RNF40: variants seen among roughly 807,000 people sequenced by gnomAD.
RNF40 encodes ring finger protein 40.
RNF40 carries 39 observed loss-of-function variants against 123.3 expected under a neutral mutation model. The observed-to-expected ratio is 0.32, with a 90% CI of 0.24 to 0.41. RNF40 has a LOEUF of 0.41. Among genes scored for constraint, RNF40 ranks in the 10% least tolerant of loss-of-function variants. The pLI, the probability that RNF40 is intolerant of heterozygous loss-of-function variation, is 1.00. For missense variants in RNF40, 1,003 were observed against 1,319.9 expected (o/e 0.76, Z 3.72); for synonymous variants, 538 against 526.0 (o/e 1.02, Z -0.31).
chr16:30,773,045 C>T (rs778030381), intron 19 of RNF40, among the ~76,000 whole-genome samples: 1 of 152,070 alleles, frequency 6.6e-6, no homozygotes. Context: ...GTTAGGAGGC[C>T]TGCGGGGGAG....
Position 30,768,894 on chromosome 16 carries a change from C to G in RNF40, c.2154C>G (p.Ser718Arg). 1 of 1,614,210 alleles carries G rather than the reference C, an allele frequency of 6.2e-7. No individual in the cohort carries two copies. Among genetic ancestry groups the G allele is most frequent in the South Asian group, 1.1e-5 (1 of 91,084 alleles). ...RELEERDRRE[S>R]KKIADEDALR... ...TGGAGGAGAGGGATCGAAGGGAGAG[C>G]AAGAAGATCGCGGATGAGGATGCCC... Residue 718 changes from serine to arginine, a missense_variant, in exon 15 of 20, where the codon AGC (serine) becomes AGG (arginine). This residue lies in a region of RNF40 where 295 missense variants were observed against 331.7 expected (regional missense o/e 0.89). Coordinates refer to ENST00000324685, the MANE Select transcript of RNF40 (RefSeq NM_014771.4). This position sits in a 1 kb window ranked among gnomAD's most constrained non-coding sequence, Gnocchi z 4.1.
rs2054074794 is a variant in RNF40, at chr16:30,768,200, G to A, written c.1649G>A (p.Gly550Asp). Residue 550 changes from glycine to aspartate, a missense_variant, in exon 13 of 20, where the codon GGT becomes GAT. Physicochemically the swap from Gly to Asp is moderately conservative, Grantham distance 94. Coordinates refer to ENST00000324685, the MANE Select transcript of RNF40 (RefSeq NM_014771.4). This position sits in a 1 kb window ranked among gnomAD's most constrained non-coding sequence, Gnocchi z 4.1. ...VSAPAPGKEE[G>D]GPGPVSTPDN... is the part of the protein sequence containing the mutation. ...GCCCCAGCCCCAGGGAAAGAGGAGG[G>A]TGGGCCAGGCCCTGTCAGTACCCCC... 6.2e-7 allele frequency: 1 copy of A among 1,613,396 alleles called. No homozygotes were observed. Among genetic ancestry groups the A allele is most frequent in the South Asian group, 1.1e-5 (1 of 91,014 alleles).
chr16:30,762,386 C>T (rs907494184), intron 1 of RNF40, 26 bp downstream of exon 1: 1 of 723,220 alleles, frequency 1.4e-6, no homozygotes. Flanking sequence ...CCGGGGGGGA[C>T]GGGATCCAGC....
chr16:30,766,520 A>T lies in RNF40; in HGVS notation c.1255A>T (p.Thr419Ser). 1.2e-6 allele frequency: 2 copies of T among 1,612,952 alleles called. No homozygotes were observed. The highest frequency in any genetic ancestry group is 2.2e-5 in the South Asian group (2 of 90,956). ...LDEARGLLLA[T>S]KNSHLRHIEH... ...CGAGGCTCGGGGCCTGCTGCTGGCC[A>T]CAAAGAACTCCCACCTGCGACACAT... Residue 419 changes from threonine (T) to serine (S), a missense_variant, in exon 10 of 20, where the codon ACA (threonine) becomes TCA (serine). By Grantham distance (58) the Thr-to-Ser change is moderately conservative. Transcript: ENST00000324685. This position sits in a 1 kb window ranked among gnomAD's most constrained non-coding sequence, Gnocchi z 5.4.
rs147675943 is a variant in RNF40, at chr16:30,767,036, A to G, written c.1429+160A>G. 4.5e-3 allele frequency among the ~76,000 whole-genome samples: 679 copies of G among 152,290 alleles called. 4 individuals carry two copies. Among genetic ancestry groups the G allele is most frequent in the African/African-American group, 0.015 (643 of 41,558 alleles). On this transcript the variant is annotated intron_variant, in intron 11 of 19. Transcript: ENST00000324685. ...GGCCTGCACTGCTTGGCTCCCAGGC[A>G]CAGTGAGGGTCCGCCAGCTGGGGTG...
At chr16:30,769,623 C>CA in intron 17 of RNF40, 23 bp downstream of exon 17, 1 of 1,520,258 alleles carries the variant, frequency 6.6e-7, no homozygotes, top group Admixed American at 2.1e-5. Flanking sequence ...CAGGGGGACA[C>CA]ACAGCTTGGG....
At chr16:30,762,309 A>G (rs1039550037), upstream of RNF40, 23 of 476,360 alleles carry the variant, frequency 4.8e-5, no homozygotes, top group Non-Finnish European at 5.5e-5. Context: ...AGTGACGCCC[A>G]GTGACGTCCG....
Position 30,774,363 on chromosome 16 carries a change from A to C in RNF40, c.*249A>C. 1 of 470,028 alleles carries C rather than the reference A, an allele frequency of 2.1e-6. No homozygotes were observed. Among genetic ancestry groups the C allele is most frequent in the Non-Finnish European group, 3.8e-6 (1 of 262,912 alleles). The allele number at this position is 470,028 out of a possible 1,614,324, so 29.1% of individuals were successfully genotyped here. ...CTGCCCTACAGAAAAGGTCTGCCTG[A>C]GAGGCCTGAGGAGCCCAGAGCACTT... On this transcript the variant is annotated 3_prime_UTR_variant, in exon 20 of 20. Transcript: ENST00000324685.
chr16:30,761,881 G>A, upstream of RNF40: 1 of 899,286 alleles, frequency 1.1e-6, no homozygotes, highest in African/African-American at 1.7e-5. Flanking sequence ...GCGGAGAGGC[G>A]CGGCGGGGCG....
At position 30,769,715 on chromosome 16, in the gene RNF40, A is replaced by G. The variant is rs1423912241; in HGVS notation, c.2586+115A>G. 13 of 1,151,976 alleles carry G rather than the reference A, an allele frequency of 1.1e-5. No homozygotes were observed. In the Admixed American group the frequency reaches 2.3e-4, roughly 20 times the overall value. 71.4% of individuals were successfully genotyped at this position (1,151,976 alleles called of 1,614,324 possible). On this transcript the variant is annotated intron_variant, in intron 17 of 19. Coordinates refer to ENST00000324685, the MANE Select transcript of RNF40 (RefSeq NM_014771.4). ...TGAGGTGAAGCCAGGCTGTCACAGA[A>G]CAGCTCACACATATTGAACATTTAC...
Position 30,763,637 on chromosome 16 carries a change from C to T in RNF40, c.442+78C>T, listed in dbSNP as rs997733241. The T allele has an allele frequency of 6.1e-6, 9 of 1,472,776 alleles. No homozygotes were observed. The African/African-American group carries it at 1.3e-4, about 21-fold the overall frequency. 91.2% of individuals were successfully genotyped at this position (1,472,776 alleles called of 1,614,324 possible). A position where few individuals can be genotyped will look rare whatever the true frequency, so the allele number is the denominator to read the frequency against. On this transcript the variant is annotated intron_variant, in intron 4 of 19. Coordinates refer to ENST00000324685, the MANE Select transcript of RNF40 (RefSeq NM_014771.4). ...GGGAGGAGGGGACTTTGGTGTTGGG[C>T]CCCTGAATTGCCTATCTTACTACTT... is the stretch of plus-strand genomic sequence containing the variant.
At chr16:30,765,571 CA>C in intron 8 of RNF40, 72 bp downstream of exon 8, 1 of 1,384,102 alleles carries the variant, frequency 7.2e-7, no homozygotes, top group Non-Finnish European at 1.0e-6. Flanking sequence ...CCCCTCAGGA[CA>C]AAGGACAAAC....
chr16:30,769,936 A>G (rs556119484), intron 17 of RNF40, among the ~76,000 whole-genome samples: 1 of 151,988 alleles, frequency 6.6e-6, no homozygotes, highest in East Asian at 2.0e-4. Context: ...CATCTCTACA[A>G]AAAAATTTTA....
chr16:30,775,836 G>C lies in RNF40; in HGVS notation c.*1722G>C, dbSNP rs2054225725. 1 of 152,242 alleles carries C rather than the reference G, an allele frequency of 6.6e-6. No individual in the cohort carries two copies. The highest frequency in any genetic ancestry group is 1.5e-5 in the Non-Finnish European group (1 of 68,074). 9.4% of individuals were successfully genotyped at this position (152,242 alleles called of 1,614,324 possible). A position where few individuals can be genotyped will look rare whatever the true frequency, so the allele number is the denominator to read the frequency against. ...GCGGTGGCGCCTTCGGACCCTATTGGCGCCCGGGACTTAAGCGGGGCCGCC... is the reference window on the plus strand; with the variant it reads ...GCGGTGGCGCCTTCGGACCCTATTGCCGCCCGGGACTTAAGCGGGGCCGCC... On this transcript the variant is annotated 3_prime_UTR_variant, in exon 20 of 20. Coordinates refer to ENST00000324685, the MANE Select transcript of RNF40 (RefSeq NM_014771.4).
chr16:30,769,380 C>T lies in RNF40; in HGVS notation c.2442C>T (p.Val814=). The change falls in exon 16 of 20, where the codon GTC becomes GTT. Residue 814 remains valine (V), a synonymous_variant. Coordinates refer to ENST00000324685, the MANE Select transcript of RNF40 (RefSeq NM_014771.4). ...AGAAGGATGAGTTGGGCGAGCAGGT[C>T]CTTGGCCTCAAGTCCCAGGTATGGC... The part of the protein sequence containing the change: ...REEKDELGEQ[V]LGLKSQVDAQ... The T allele has an allele frequency of 6.2e-7, 1 of 1,614,210 alleles. No homozygotes were observed. Among genetic ancestry groups the T allele is most frequent in the Non-Finnish European group, 8.5e-7 (1 of 1,180,032 alleles).
Position 30,763,499 on chromosome 16 carries a change from C to T in RNF40, c.382C>T (p.Gln128Ter). Residue 128 changes from glutamine to a stop codon, truncating the protein, a stop_gained, in exon 4 of 20, where the codon CAG (glutamine) becomes TAG (stop). Coordinates refer to ENST00000324685, the MANE Select transcript of RNF40 (RefSeq NM_014771.4). LOFTEE classifies it high-confidence loss of function. Reference sequence around the variant, plus strand: ...TTCAGCGCCTGAGGCACCTGGGACCCAGGAGGGGCCAACATGTGATGGGAC... The same window carrying T: ...TTCAGCGCCTGAGGCACCTGGGACCTAGGAGGGGCCAACATGTGATGGGAC... ...LSSAPEAPGT[Q>*]EGPTCDGTPL... 6.2e-7 allele frequency: 1 copy of T among 1,614,080 alleles called. No individual in the cohort carries two copies. The highest frequency in any genetic ancestry group is 8.5e-7 in the Non-Finnish European group (1 of 1,180,006).
rs79374318 is a variant in RNF40, at chr16:30,767,644, A to T, written c.1430-250A>T. 52 of 348,740 alleles carry T rather than the reference A, an allele frequency of 1.5e-4. No homozygotes were observed. In the East Asian group the frequency reaches 1.5e-3, roughly 10 times the overall value. 21.6% of individuals were successfully genotyped at this position (348,740 alleles called of 1,614,324 possible). On this transcript the variant is annotated intron_variant, in intron 11 of 19. Transcript: ENST00000324685. ...ACAAAGTGAGACACTGTTTCTATTT[A>T]AAAAAAAAACAAAAAACCCCACATA...
intron 17 of RNF40, among the ~76,000 whole-genome samples, chr16:30,769,928 T>G (rs529751292): frequency 4.6e-5 from 7 of 151,804 alleles, no homozygotes; most frequent in Non-Finnish European, 7.4e-5. Context: ...TGAGACCCCA[T>G]CTCTACAAAA....
At chr16:30,764,510 C>T (rs778113622) in intron 5 of RNF40, 125 bp downstream of exon 5, 5 of 831,392 alleles carry the variant, frequency 6.0e-6, no homozygotes, top group Non-Finnish European at 9.3e-6. Flanking sequence ...ATAAATCAGC[C>T]ATGTTCTTGG....
Sources: allele counts gnomAD v4.1 joint callset (sites outside exome capture counted in the v4.1 genomes callset), GRCh38; gene constraint gnomAD v4.1.1; regional missense constraint gnomAD v4.1.1; non-coding constraint Gnocchi (gnomAD v3.1); transcripts MANE v1.5; gene names NCBI Gene and HGNC (gene_info 2026-07-23, HGNC 2026-07-21).